The following NANOS3 variants were observed in gnomAD, a reference collection of about 807,000 sequenced individuals.
The protein encoded by NANOS3 is nanos C2HC-type zinc finger 3.
A neutral mutation model predicts 13.8 loss-of-function variants in NANOS3; 11 were observed. The observed-to-expected ratio is 0.80, with a 90% CI of 0.50 to 1.32. NANOS3 has a LOEUF of 1.32. Among genes scored for constraint, NANOS3 ranks in the 40% most tolerant of loss-of-function variants. The pLI, the probability that NANOS3 is intolerant of heterozygous loss-of-function variation, is 0.00. For missense variants in NANOS3, 221 were observed against 263.8 expected (o/e 0.84, Z 1.12); for synonymous variants, 119 against 115.4 (o/e 1.03, Z -0.20).
At chr19:13,879,607 A>G (rs186579646) in intron 1 of NANOS3, among the ~76,000 whole-genome samples, 4 of 152,266 alleles carry the variant, frequency 2.6e-5, no homozygotes, top group African/African-American at 7.2e-5. Context: ...GTGTGCCTGT[A>G]GTCCCAGCTA....
intron 1 of NANOS3, among the ~76,000 whole-genome samples, chr19:13,869,739 C>T (rs2145067880): frequency 6.6e-6 from 1 of 151,740 alleles, no homozygotes; most frequent in Middle Eastern, 3.4e-3. Flanking sequence ...CCGTGTCCCC[C>T]TTCCAGGCCC....
upstream of NANOS3, among the ~76,000 whole-genome samples, chr19:13,872,587 AATT>A (rs1324185731): frequency 6.6e-6 from 1 of 152,146 alleles, no homozygotes; most frequent in Non-Finnish European, 1.5e-5. Context: ...TCAGTAATGT[AATT>A]ATTAACACCT....
chr19:13,876,899 G>GC (rs1459995057), upstream of NANOS3, among the ~76,000 whole-genome samples: 8 of 152,156 alleles, frequency 5.3e-5, no homozygotes, highest in Middle Eastern at 6.3e-3. Flanking sequence ...AGGCAGGGTA[G>GC]CCCCCCAATT....
At chr19:13,876,687 G>A (rs945962619), upstream of NANOS3, among the ~76,000 whole-genome samples, 150 of 135,460 alleles carry the variant, frequency 1.1e-3, no homozygotes, top group Admixed American at 2.7e-3. Context: ...GCAACCTCCC[G>A]CCTGGACACA....
rs766437543 is a variant in NANOS3 at position 13,877,717 on chromosome 19, G to A, written c.469G>A (p.Ala157Thr). The A allele has an allele frequency of 6.2e-7, 1 of 1,602,530 alleles. No individual in the cohort carries two copies. Among genetic ancestry groups the A allele is most frequent in the Non-Finnish European group, 8.5e-7 (1 of 1,175,866 alleles). The change falls in exon 1 of 2, where the codon GCG (alanine) becomes ACG (threonine). Residue 157 changes from alanine to threonine, a missense_variant. By Grantham distance (58) the Ala-to-Thr change is moderately conservative (BLOSUM62 0). Coordinates refer to ENST00000339133, the MANE Select transcript of NANOS3 (RefSeq NM_001098622.3). ...CAAGAAGCTGGTCCGGCCTGACAAG[G>A]CGAAGACACAGGACACAGGCCACCG... ...AGKKLVRPDK[A>T]KTQDTGHRRG...
chr19:13,873,268 TGGGGCTCTCGGGGGC>T (rs572963727), upstream of NANOS3, among the ~76,000 whole-genome samples: 410 of 25,048 alleles, frequency 0.016, 4 homozygotes, highest in African/African-American at 0.06. Flanking sequence ...AGACTGTGGG[TGGGGCTCTCGGGGGC>T]GGGGCTCTCG....
At chr19:13,865,484 C>T (rs1034720208) in intron 1 of NANOS3, 2 of 143,634 alleles carry the variant, frequency 1.4e-5, no homozygotes, top group Middle Eastern at 3.6e-3. Flanking sequence ...GGGGCGGGGG[C>T]CGCCCGCGGG....
intron 1 of NANOS3, among the ~76,000 whole-genome samples, chr19:13,879,648 G>A (rs1250044515): frequency 1.3e-5 from 2 of 151,938 alleles, no homozygotes; most frequent in East Asian, 1.9e-4. Flanking sequence ...GGATCGCTTG[G>A]GTCCAGGGGA....
At chr19:13,867,296 G>T (rs1976256786) in intron 1 of NANOS3, among the ~76,000 whole-genome samples, 1 of 151,994 alleles carries the variant, frequency 6.6e-6, no homozygotes, top group South Asian at 2.1e-4. Flanking sequence ...CTAGGCTGGA[G>T]TGCAGTGGCA....
chr19:13,863,787 C>A (rs1176255656), upstream of NANOS3, among the ~76,000 whole-genome samples: 1 of 152,112 alleles, frequency 6.6e-6, no homozygotes, highest in African/African-American at 2.4e-5. Flanking sequence ...GACATCCACT[C>A]TCCTGGACCT....
At chr19:13,868,146 A>C (rs1178257320) in intron 1 of NANOS3, among the ~76,000 whole-genome samples, 1 of 151,378 alleles carries the variant, frequency 6.6e-6, no homozygotes, top group Non-Finnish European at 1.5e-5. Context: ...GCAATCTCCA[A>C]CTCCCAGGTT....
upstream of NANOS3, among the ~76,000 whole-genome samples, chr19:13,863,969 G>A (rs542137501): frequency 6.6e-6 from 1 of 152,076 alleles, no homozygotes; most frequent in South Asian, 2.1e-4. Context: ...TCTGGGCTTG[G>A]AAGGGGGCCA....
chr19:13,873,255 T>A (rs892628407), upstream of NANOS3, among the ~76,000 whole-genome samples: 2 of 117,400 alleles, frequency 1.7e-5, no homozygotes, highest in African/African-American at 6.6e-5. Context: ...GGCTGGTGGC[T>A]CCAGACTGTG....
upstream of NANOS3, among the ~76,000 whole-genome samples, chr19:13,876,712 AC>A (rs1177334283): frequency 2.0e-5 from 3 of 151,824 alleles, no homozygotes; most frequent in Non-Finnish European, 4.4e-5. Flanking sequence ...CACACAAAGA[AC>A]CCAGGGGCAC....
intron 1 of NANOS3, among the ~76,000 whole-genome samples, chr19:13,880,152 G>T (rs1317221623): frequency 2.0e-5 from 3 of 152,202 alleles, no homozygotes; most frequent in African/African-American, 7.2e-5. Context: ...CCTGCGGCCA[G>T]CCTTTCTGAT....
chr19:13,878,279 C>T (rs1476251893), intron 1 of NANOS3, among the ~76,000 whole-genome samples: 1 of 152,056 alleles, frequency 6.6e-6, no homozygotes, highest in Non-Finnish European at 1.5e-5. Context: ...CTTTCTGTCA[C>T]CCAGGCTGGA....
chr19:13,867,880 G>C (rs1204721400), intron 1 of NANOS3, among the ~76,000 whole-genome samples: 4 of 151,964 alleles, frequency 2.6e-5, no homozygotes, highest in African/African-American at 9.7e-5. Flanking sequence ...CCTACCCTGA[G>C]ACTTGTTTAG....
At chr19:13,869,788 A>G (rs996416530) in intron 1 of NANOS3, among the ~76,000 whole-genome samples, 74 of 151,250 alleles carry the variant, frequency 4.9e-4, no homozygotes, top group African/African-American at 1.8e-3. Context: ...ACACACACAC[A>G]CACGCACACA....
At chr19:13,872,735 C>A, upstream of NANOS3, among the ~76,000 whole-genome samples, 1 of 152,194 alleles carries the variant, frequency 6.6e-6, no homozygotes, top group East Asian at 1.9e-4. Flanking sequence ...TAAAGAGAAG[C>A]CGATCAGGCC....
Sources: allele counts gnomAD v4.1 joint callset (sites outside exome capture counted in the v4.1 genomes callset), GRCh38; gene constraint gnomAD v4.1.1; transcripts MANE v1.5; gene names NCBI Gene and HGNC (gene_info 2026-07-23, HGNC 2026-07-21).